The following CDH13 variants were observed in gnomAD, a reference collection of about 807,000 sequenced individuals.
CDH13 encodes cadherin 13.
CDH13 carries 24 observed loss-of-function variants against 63.8 expected under a neutral mutation model. That is an observed-to-expected ratio of 0.38 (90% CI 0.27 to 0.53). The LOEUF (loss-of-function observed/expected upper bound fraction) is 0.53. Ranked by LOEUF, CDH13 falls within the 20% of genes least tolerant of loss-of-function variation. CDH13 has a pLI of 0.85. For synonymous variants in CDH13, 503 were observed against 355.3 expected (o/e 1.42, Z -4.67); for missense variants, 1,049 against 903.1 (o/e 1.16, Z -2.07).
chr16:82,950,172 C>T (rs994526967), intron 2 of CDH13, among the ~76,000 whole-genome samples: 1 of 152,070 alleles, frequency 6.6e-6, no homozygotes, highest in African/African-American at 2.4e-5. Context: ...CTTCTGAGGG[C>T]TGTGAGGGGA....
intron 5 of CDH13, among the ~76,000 whole-genome samples, chr16:83,228,303 G>A (rs138373039): frequency 8.0e-4 from 122 of 152,306 alleles, no homozygotes; most frequent in African/African-American, 2.7e-3. Flanking sequence ...CCACACGTCC[G>A]CAGGGCCGTG....
intron 7 of CDH13, among the ~76,000 whole-genome samples, chr16:83,515,431 A>C (rs961594192): frequency 4.6e-5 from 7 of 152,348 alleles, no homozygotes; most frequent in African/African-American, 1.4e-4. Flanking sequence ...TTTTCATTTC[A>C]CATATCTGCA....
At chr16:82,812,321 T>C (rs190891876) in intron 1 of CDH13, among the ~76,000 whole-genome samples, 5 of 152,250 alleles carry the variant, frequency 3.3e-5, no homozygotes, top group African/African-American at 7.2e-5. Context: ...TTTGCAATAA[T>C]TGAAGCTTGC....
At chr16:83,293,465 C>G (rs2089512608) in intron 5 of CDH13, among the ~76,000 whole-genome samples, 1 of 152,124 alleles carries the variant, frequency 6.6e-6, no homozygotes, top group Non-Finnish European at 1.5e-5. Flanking sequence ...CAATTGTTTT[C>G]TTTACAAAGC....
chr16:83,596,720 T>C (rs1045409427), intron 7 of CDH13, among the ~76,000 whole-genome samples: 1 of 152,182 alleles, frequency 6.6e-6, no homozygotes, highest in African/African-American at 2.4e-5. Context: ...GAAGGTATTC[T>C]GATCATGTAT....
chr16:83,072,074 T>G (rs2032479022), intron 3 of CDH13, among the ~76,000 whole-genome samples: 1 of 152,194 alleles, frequency 6.6e-6, no homozygotes, highest in Non-Finnish European at 1.5e-5. Context: ...ACCCAGTGCA[T>G]GCAAATATGA....
At chr16:83,514,915 C>T (rs1291016196) in intron 7 of CDH13, among the ~76,000 whole-genome samples, 1 of 152,082 alleles carries the variant, frequency 6.6e-6, no homozygotes, top group Non-Finnish European at 1.5e-5. Context: ...TGAGCCCCTC[C>T]GGTTTGTGAC....
intron 1 of CDH13, among the ~76,000 whole-genome samples, chr16:82,666,316 T>G (rs1321676469): frequency 6.6e-6 from 1 of 152,218 alleles, no homozygotes; most frequent in East Asian, 1.9e-4. Context: ...GTATTTTAAG[T>G]AACAGCACTG....
intron 10 of CDH13, among the ~76,000 whole-genome samples, chr16:83,690,602 G>A (rs2150890451): frequency 6.6e-6 from 1 of 152,288 alleles, no homozygotes; most frequent in East Asian, 1.9e-4. Context: ...AAGGGAGACA[G>A]AGGCAGAGCA....
At chr16:82,805,832 G>A (rs1330220035) in intron 1 of CDH13, among the ~76,000 whole-genome samples, 1 of 152,166 alleles carries the variant, frequency 6.6e-6, no homozygotes, top group African/African-American at 2.4e-5. Flanking sequence ...AAGGATGTGT[G>A]TGAAGGTATG....
chr16:83,703,329 C>T (rs532940390), intron 10 of CDH13, among the ~76,000 whole-genome samples: 9 of 152,254 alleles, frequency 5.9e-5, no homozygotes, highest in East Asian at 1.9e-4. Flanking sequence ...GATTTATGTG[C>T]GGAGTTGTAC....
At chr16:82,675,422 TCA>T (rs1046464793) in intron 1 of CDH13, among the ~76,000 whole-genome samples, 35 of 152,274 alleles carry the variant, frequency 2.3e-4, no homozygotes, top group African/African-American at 8.2e-4. Flanking sequence ...ATTGGAGATG[TCA>T]CACACAGTAA....
intron 5 of CDH13, among the ~76,000 whole-genome samples, chr16:83,310,759 A>T (rs921888318): frequency 6.6e-6 from 1 of 152,168 alleles, no homozygotes; most frequent in Admixed American, 6.5e-5. Flanking sequence ...TAGAGCTAAA[A>T]TTCCCTCCAG....
At chr16:83,697,162 C>A (rs1301955963) in intron 10 of CDH13, among the ~76,000 whole-genome samples, 1 of 152,200 alleles carries the variant, frequency 6.6e-6, no homozygotes, top group Non-Finnish European at 1.5e-5. Flanking sequence ...AACATTAATA[C>A]TCATGGCGCT....
intron 6 of CDH13, among the ~76,000 whole-genome samples, chr16:83,366,955 T>C (rs1214615112): frequency 6.6e-6 from 1 of 152,204 alleles, no homozygotes. Context: ...TTTTGGCATA[T>C]AACAGCTTAT....
intron 6 of CDH13, among the ~76,000 whole-genome samples, chr16:83,363,111 A>G (rs1275285649): frequency 6.6e-6 from 1 of 152,248 alleles, no homozygotes; most frequent in Non-Finnish European, 1.5e-5. Flanking sequence ...GAATCTAGAG[A>G]TGACATTTAT....
At chr16:82,802,266 A>T (rs769052611) in intron 1 of CDH13, among the ~76,000 whole-genome samples, 3 of 152,076 alleles carry the variant, frequency 2.0e-5, no homozygotes, top group Admixed American at 6.5e-5. Flanking sequence ...TCGTGAGAAT[A>T]GTGAGTGCTC....
chr16:83,382,347 A>T (rs1257711227), intron 6 of CDH13, among the ~76,000 whole-genome samples: 2 of 152,240 alleles, frequency 1.3e-5, no homozygotes, highest in African/African-American at 4.8e-5. Flanking sequence ...CAATTTAATC[A>T]GGTAAATTAA....
intron 2 of CDH13, among the ~76,000 whole-genome samples, chr16:82,960,309 G>T (rs181971437): frequency 1.3e-5 from 2 of 152,138 alleles, no homozygotes; most frequent in Admixed American, 6.5e-5. Context: ...ATTCAAGGAG[G>T]ATTTCTGTGC....
Sources: gnomAD v4.1 joint callset for allele counts (sites outside exome capture counted in the v4.1 genomes callset) on GRCh38, gnomAD v4.1.1 for gene constraint, MANE v1.5 for transcripts, NCBI Gene and HGNC (gene_info 2026-07-23, HGNC 2026-07-21) for gene names.